Variants in WDR48 observed in about 807,000 individuals in gnomAD.
The protein encoded by WDR48 is WD repeat domain 48, also known as WD repeat-containing protein 48.
A neutral mutation model predicts 94.0 loss-of-function variants in WDR48; 22 were observed. The observed-to-expected ratio is 0.23, with a 90% CI of 0.17 to 0.33. The LOEUF (loss-of-function observed/expected upper bound fraction) is 0.33, where lower values mean the gene tolerates loss of function less well. WDR48 is among the 10% of genes least tolerant of loss of function. The pLI is 1.00. For missense variants in WDR48, 541 were observed against 813.8 expected (o/e 0.66, Z 4.08); for synonymous variants, 278 against 280.5 (o/e 0.99, Z 0.09).
chr3:39,061,108 T>A (rs919375233), intron 1 of WDR48, among the ~76,000 whole-genome samples: 4 of 152,264 alleles, frequency 2.6e-5, no homozygotes, highest in Admixed American at 1.3e-4. Flanking sequence ...TAATTTTTTT[T>A]AATTATTATA....
At chr3:39,064,815 C>A (rs2033500339) in intron 2 of WDR48, among the ~76,000 whole-genome samples, 1 of 152,176 alleles carries the variant, frequency 6.6e-6, no homozygotes, top group Non-Finnish European at 1.5e-5. Context: ...GCCAATGGAC[C>A]ATGCAGTGGT....
intron 7 of WDR48, among the ~76,000 whole-genome samples, chr3:39,073,667 C>T (rs2034057835): frequency 6.6e-6 from 1 of 152,152 alleles, no homozygotes; most frequent in Non-Finnish European, 1.5e-5. Context: ...TCTTTTTCCA[C>T]CTGAGCACAC....
intron 1 of WDR48, among the ~76,000 whole-genome samples, chr3:39,060,425 T>G (rs1246569989): frequency 6.7e-6 from 1 of 148,710 alleles, no homozygotes; most frequent in African/African-American, 2.5e-5. Context: ...TGTGCATATA[T>G]ATATATATAT....
At chr3:39,075,995 C>T (rs1220594848) in intron 8 of WDR48, among the ~76,000 whole-genome samples, 1 of 152,114 alleles carries the variant, frequency 6.6e-6, no homozygotes, top group East Asian at 1.9e-4. Flanking sequence ...CACACGTGGC[C>T]GGAAGTTTCC....
chr3:39,088,099 A>G, intron 14 of WDR48, 29 bp from the exon 15 acceptor site: 1 of 1,606,616 alleles, frequency 6.2e-7, no homozygotes, highest in Non-Finnish European at 8.5e-7. Flanking sequence ...ACTAACTCTG[A>G]TATTAACACC....
chr3:39,085,648 GAGGTACTTACTTAAA>G, intron 14 of WDR48, 38 bp downstream of exon 14: 3 of 1,546,116 alleles, frequency 1.9e-6, no homozygotes, highest in Admixed American at 1.8e-5. Context: ...TAAAAAGTTA[GAGGTACTTACTTAAA>G]AGGTACTTAC....
rs776958682 is a variant in WDR48, at chr3:39,066,555, T to C, written c.276T>C (p.Ser92=). 2 of 1,613,614 alleles carry C rather than the reference T, an allele frequency of 1.2e-6. No homozygotes were observed. Among genetic ancestry groups the C allele is most frequent in the Admixed American group, 3.3e-5 (2 of 59,984 alleles). Residue 92 remains serine, a synonymous_variant, in exon 4 of 19, where the codon TCT becomes TCC. Transcript: ENST00000302313. ...ATTCTTTGCTTCTTCTAGTAATATC[T>C]GCTTCTTCTGACACGACAGTAAAAG... ...VLCCNGKTLI[S]ASSDTTVKVW... is the part of the protein sequence containing the mutation.
chr3:39,066,935 G>A, intron 5 of WDR48, 60 bp downstream of exon 5: 1 of 1,567,094 alleles, frequency 6.4e-7, no homozygotes, highest in South Asian at 1.2e-5. Flanking sequence ...ATAAAGAATG[G>A]TTTATAAAAC....
intron 1 of WDR48, among the ~76,000 whole-genome samples, chr3:39,058,579 C>T (rs184374585): frequency 2.3e-4 from 35 of 152,210 alleles, no homozygotes; most frequent in African/African-American, 7.9e-4. Flanking sequence ...CCCTGGAACC[C>T]CAGAGAAAGA....
In WDR48 at chr3:39,066,972, G is replaced by A. The variant is rs2033645388; in HGVS notation, c.481+97G>A. ...TTTTTGATAGGTTTGCATCGAGAGAGTGTTTCATATTTTGAGAGTGCTTCT... is the reference window on the plus strand; with the variant it reads ...TTTTTGATAGGTTTGCATCGAGAGAATGTTTCATATTTTGAGAGTGCTTCT... On this transcript the variant is annotated intron_variant, in intron 5 of 18. Coordinates refer to ENST00000302313, the MANE Select transcript of WDR48 (RefSeq NM_020839.4). The A allele has an allele frequency of 4.9e-6, 7 of 1,431,746 alleles. No homozygotes were observed. The Admixed American group carries it at 1.2e-4, about 26-fold the overall frequency. The allele number at this position is 1,431,746 out of a possible 1,614,324, so 88.7% of individuals were successfully genotyped here.
chr3:39,091,824 T>A, intron 17 of WDR48, 123 bp downstream of exon 17: 5 of 861,718 alleles, frequency 5.8e-6, no homozygotes, highest in Non-Finnish European at 8.4e-6. Context: ...ATATTCAAAG[T>A]TTATACAATT....
intron 8 of WDR48, among the ~76,000 whole-genome samples, 200 bp from the exon 9 acceptor site, chr3:39,076,939 A>G (rs529044147): frequency 6.6e-6 from 1 of 152,252 alleles, no homozygotes; most frequent in African/African-American, 2.4e-5. Context: ...TTACCCCATT[A>G]CACTTTTATA....
rs149271782 is a variant in WDR48 at position 39,066,106 on chromosome 3, A to G, written c.268+217A>G. 5.5e-3 allele frequency among the ~76,000 whole-genome samples: 840 copies of G among 152,286 alleles called. 5 individuals carry two copies. The highest frequency in any genetic ancestry group is 0.014 in the Middle Eastern group (4 of 294). ...CTTTCAGTTATTCCCTCTTGCCCCA[A>G]GGTAACTGCTCTTCTGTCTTCTGAA... is the stretch of plus-strand genomic sequence containing the variant. On this transcript the variant is annotated intron_variant, in intron 3 of 18. Transcript: ENST00000302313.
chr3:39,087,466 CA>C (rs1297375519), intron 14 of WDR48, among the ~76,000 whole-genome samples: 1 of 152,134 alleles, frequency 6.6e-6, no homozygotes, highest in Non-Finnish European at 1.5e-5. Flanking sequence ...GAAATGTAAA[CA>C]ATTAGCCAGT....
chr3:39,060,855 T>A (rs1236716141), intron 1 of WDR48, among the ~76,000 whole-genome samples: 1 of 152,088 alleles, frequency 6.6e-6, no homozygotes. Context: ...TAATCCCAGC[T>A]ACTCAGGAGG....
Position 39,068,844 on chromosome 3 carries a change from A to G in WDR48, c.555A>G (p.Ser185=), listed in dbSNP as rs772470130. Residue 185 remains serine (S), a synonymous_variant, in exon 6 of 19, where the codon TCA becomes TCG. Transcript: ENST00000302313. ...AMNQLGTIIV[S]GSTEKVLRVW... is the part of the protein sequence containing the mutation. The stretch of plus-strand genomic sequence containing the variant: ...ATCAACTGGGAACAATCATTGTATC[A>G]GGGTCCACTGAAAAGGTAAGGAGGA... 8.8e-6 allele frequency: 14 copies of G among 1,599,740 alleles called. No individual in the cohort carries two copies. The South Asian group carries it at 1.4e-4, about 15-fold the overall frequency.
At chr3:39,091,389 G>GT (rs1559628479) in intron 16 of WDR48, 1 of 344,602 alleles carries the variant, frequency 2.9e-6, no homozygotes, top group African/African-American at 2.2e-5. Flanking sequence ...ACCTTGTACT[G>GT]TTATCTAAGA....
rs2034970661 is a variant in WDR48, at chr3:39,089,363, CTCAT to C, written c.1668+46_1668+49del. 2.6e-6 allele frequency: 4 copies of C among 1,558,018 alleles called. No individual in the cohort carries two copies. The East Asian group carries it at 9.0e-5, about 35-fold the overall frequency. On this transcript the variant is annotated intron_variant, in intron 16 of 18. Transcript: ENST00000302313. ...ACTTTGCTCTTTTATTTTTTTGTAA[CTCAT>C]GAAATTAAGAACTGCTTTAGACATT...
chr3:39,052,803 A>G (rs1388071080), intron 1 of WDR48, among the ~76,000 whole-genome samples: 1 of 151,872 alleles, frequency 6.6e-6, no homozygotes, highest in Non-Finnish European at 1.5e-5. Context: ...TTGTGAATTC[A>G]CTTTTGTTTG....
Sources: allele counts gnomAD v4.1 joint callset (sites outside exome capture counted in the v4.1 genomes callset), GRCh38; gene constraint gnomAD v4.1.1; transcripts MANE v1.5; gene names NCBI Gene and HGNC (gene_info 2026-07-23, HGNC 2026-07-21).